The following GRAMD4 variants were observed in gnomAD, a reference collection of about 807,000 sequenced individuals.
The protein encoded by GRAMD4 is GRAM domain-containing protein 4.
In GRAMD4, 25 loss-of-function variants were observed where a neutral mutation model predicts 83.9. That is an observed-to-expected ratio of 0.30 (90% CI 0.22 to 0.42). The LOEUF is 0.42. Ranked by LOEUF, GRAMD4 falls within the 10% of genes least tolerant of loss-of-function variation. The probability of loss-of-function intolerance (pLI) is 1.00; values close to 1 mark genes in which losing one functional copy is unlikely to be tolerated. For missense variants in GRAMD4, 593 were observed against 788.7 expected (o/e 0.75, Z 2.97); for synonymous variants, 336 against 320.9 (o/e 1.05, Z -0.50).
chr22:46,579,912 G>A (rs2081080832), intron 1 of GRAMD4, among the ~76,000 whole-genome samples: 1 of 152,110 alleles, frequency 6.6e-6, no homozygotes, highest in Middle Eastern at 3.2e-3. Flanking sequence ...TGGGGACTTG[G>A]GTATTTACAG....
At chr22:46,639,632 CTG>C (rs146887351) in intron 3 of GRAMD4, among the ~76,000 whole-genome samples, 3,588 of 151,104 alleles carry the variant, frequency 0.024, 107 homozygotes, top group African/African-American at 0.057. Flanking sequence ...TGGTGGTTAA[CTG>C]TGTGTGCGTG....
Position 46,677,348 on chromosome 22 carries a change from CATGAGCTTTTGCAATA to C in GRAMD4, c.*100_*115del. On this transcript the variant is annotated 3_prime_UTR_variant, in exon 19 of 19. Transcript: ENST00000406902. ...GGTAGTGGAAACAATTGGACATCCT[CATGAGCTTTTGCAATA>C]ATTCTCCTGGACCTGTGGTTCTATT... 6.8e-7 allele frequency: 1 copy of C among 1,467,860 alleles called. No individual in the cohort carries two copies. The highest frequency in any genetic ancestry group is 9.0e-7 in the Non-Finnish European group (1 of 1,112,034). 90.9% of individuals were successfully genotyped at this position (1,467,860 alleles called of 1,614,324 possible).
In GRAMD4 at chr22:46,677,526, C is replaced by T. The variant is rs1298944335; in HGVS notation, c.*275C>T. The T allele has an allele frequency of 6.6e-6, 8 of 1,203,530 alleles. No homozygotes were observed. In the East Asian group the frequency reaches 2.2e-4, roughly 34 times the overall value. 74.6% of individuals were successfully genotyped at this position (1,203,530 alleles called of 1,614,324 possible). On this transcript the variant is annotated 3_prime_UTR_variant, in exon 19 of 19. Transcript: ENST00000406902. Reference sequence around the variant, plus strand: ...GGGAGGGGGCAGAGGCCCTCGGGGGCCCGTGGAGAAGACACACAGGACCCC... The same window carrying T: ...GGGAGGGGGCAGAGGCCCTCGGGGGTCCGTGGAGAAGACACACAGGACCCC...
At chr22:46,679,872 G>A, downstream of GRAMD4, 1 of 783,664 alleles carries the variant, frequency 1.3e-6, no homozygotes, top group Non-Finnish European at 1.5e-6. Flanking sequence ...GGCCCTCAGT[G>A]CCGCTGCCAG....
At chr22:46,671,117 G>C in intron 13 of GRAMD4, 1 of 469,240 alleles carries the variant, frequency 2.1e-6, no homozygotes, top group Non-Finnish European at 4.4e-6. Context: ...GCCCCAGCTG[G>C]GACTTGGGCT....
intron 17 of GRAMD4, among the ~76,000 whole-genome samples, chr22:46,676,176 C>T (rs1345139518): frequency 3.3e-5 from 5 of 152,170 alleles, no homozygotes; most frequent in African/African-American, 1.2e-4. Context: ...TCCCACCCGG[C>T]TCTGGAAAAA....
chr22:46,670,976 G>A (rs1045067868), intron 13 of GRAMD4: 3 of 348,626 alleles, frequency 8.6e-6, no homozygotes, highest in South Asian at 4.1e-5. Flanking sequence ...ACTGCCACTG[G>A]GCAGCGGTGA....
intron 1 of GRAMD4, among the ~76,000 whole-genome samples, chr22:46,587,070 A>G (rs1241970774): frequency 6.6e-6 from 1 of 152,186 alleles, no homozygotes; most frequent in African/African-American, 2.4e-5. Flanking sequence ...ATGCTTTCTC[A>G]GCCCACTCTG....
chr22:46,608,401 G>A (rs1361114169), intron 1 of GRAMD4, among the ~76,000 whole-genome samples: 2 of 152,172 alleles, frequency 1.3e-5, no homozygotes, highest in South Asian at 2.1e-4. Flanking sequence ...ATTTTGGGCC[G>A]GGCATGGTGG....
At chr22:46,582,789 C>T (rs2081110801) in intron 1 of GRAMD4, among the ~76,000 whole-genome samples, 1 of 152,198 alleles carries the variant, frequency 6.6e-6, no homozygotes, top group South Asian at 2.1e-4. Flanking sequence ...TGAAAGTGCA[C>T]AGTTCACGGA....
chr22:46,630,924 C>T (rs894129730), intron 2 of GRAMD4, among the ~76,000 whole-genome samples: 18 of 149,556 alleles, frequency 1.2e-4, no homozygotes, highest in African/African-American at 4.4e-4. Flanking sequence ...ATAGCTCCCT[C>T]GAGGGCCGTG....
At chr22:46,630,776 C>T (rs559524705) in intron 2 of GRAMD4, among the ~76,000 whole-genome samples, 2 of 152,350 alleles carry the variant, frequency 1.3e-5, no homozygotes, top group African/African-American at 4.8e-5. Context: ...AGCCTGGTGC[C>T]CATGTGGGCT....
At position 46,664,029 on chromosome 22, in the gene GRAMD4, G is replaced by A. The variant is rs971965278; in HGVS notation, c.629G>A (p.Arg210His). The A allele has an allele frequency of 1.1e-5, 18 of 1,612,160 alleles. No individual in the cohort carries two copies. The highest frequency in any genetic ancestry group is 4.5e-5 in the East Asian group (2 of 44,886). Residue 210 changes from arginine to histidine, a missense_variant, in exon 8 of 19, where the codon CGC becomes CAC. By Grantham distance (29) the Arg-to-His change is conservative. Coordinates refer to ENST00000406902, the MANE Select transcript of GRAMD4 (RefSeq NM_015124.5). ...RLTENMRRLK[R>H]GAKPVTNFVK... ...CTGTGGTCTGCTCTGTCCCCAGAGC[G>A]CGGTGCCAAGCCGGTCACTAACTTT...
chr22:46,640,712 G>T (rs1289641446), intron 3 of GRAMD4, among the ~76,000 whole-genome samples: 4 of 151,906 alleles, frequency 2.6e-5, no homozygotes, highest in Admixed American at 1.3e-4. Context: ...GAGTGTCATG[G>T]GCCTCCCTGG....
intron 1 of GRAMD4, among the ~76,000 whole-genome samples, chr22:46,605,790 C>T (rs59834069): frequency 0.013 from 237 of 18,478 alleles, no homozygotes; most frequent in East Asian, 0.043. Flanking sequence ...CTGCATGGGC[C>T]TATGGCCGGT....
intron 1 of GRAMD4, among the ~76,000 whole-genome samples, chr22:46,625,111 C>T (rs759622703): frequency 7.9e-5 from 12 of 151,880 alleles, no homozygotes; most frequent in East Asian, 3.9e-4. Flanking sequence ...CCGCCCGCCT[C>T]GGCCTCCCAA....
chr22:46,631,892 G>A (rs1023600804), intron 2 of GRAMD4, among the ~76,000 whole-genome samples: 2 of 15,020 alleles, frequency 1.3e-4, no homozygotes, highest in African/African-American at 3.4e-4. Context: ...CCTGGGGACC[G>A]GGGATGGGTA....
rs1016430808 is a variant in GRAMD4 at position 46,672,093 on chromosome 22, G to A, written c.1085-750G>A. 2.0e-5 allele frequency among the ~76,000 whole-genome samples: 3 copies of A among 152,198 alleles called. No individual in the cohort carries two copies. Among genetic ancestry groups the A allele is most frequent in the South Asian group, 2.1e-4 (1 of 4,834 alleles). Reference sequence around the variant, plus strand: ...ACTGGGAGGGGCACCCGGAGAGACCGGAACTCCTGACAGCTTTTGCTGCCC... The same window carrying A: ...ACTGGGAGGGGCACCCGGAGAGACCAGAACTCCTGACAGCTTTTGCTGCCC... On this transcript the variant is annotated intron_variant, in intron 13 of 18. Transcript: ENST00000406902. This position sits in a 1 kb window ranked among gnomAD's most constrained non-coding sequence, Gnocchi z 4.7.
chr22:46,676,692 C>T (rs1299682245), intron 18 of GRAMD4, 24 bp downstream of exon 18: 11 of 1,544,834 alleles, frequency 7.1e-6, no homozygotes, highest in Non-Finnish European at 9.6e-6. Context: ...GGGGGGCCGC[C>T]AAGGGGTTGG....
Sources: gnomAD v4.1 joint callset for allele counts (sites outside exome capture counted in the v4.1 genomes callset) on GRCh38, gnomAD v4.1.1 for gene constraint, Gnocchi (gnomAD v3.1) non-coding constraint, MANE v1.5 for transcripts, NCBI Gene and HGNC (gene_info 2026-07-23, HGNC 2026-07-21) for gene names.